Variants in CIZ1 observed in about 807,000 individuals in gnomAD.
CIZ1 encodes CDKN1A interacting zinc finger protein 1, also known as cip1-interacting zinc finger protein.
Under a neutral mutation model 118.6 loss-of-function variants are expected in CIZ1, and 58 were observed. That is an observed-to-expected ratio of 0.49 (90% CI 0.40 to 0.61). CIZ1 has a LOEUF of 0.61. Ranked by LOEUF, CIZ1 falls within the 20% of genes least tolerant of loss-of-function variation. The probability of loss-of-function intolerance (pLI) is 0.00; values close to 1 mark genes in which losing one functional copy is unlikely to be tolerated. For missense variants in CIZ1, 921 were observed against 1,115.9 expected, an observed-to-expected ratio of 0.83 and a Z score of 2.49; for synonymous variants, 448 against 443.4, an observed-to-expected ratio of 1.01 and a Z score of -0.13.
chr9:128,176,742 C>A (rs113774358), intron 10 of CIZ1, among the ~76,000 whole-genome samples: 88 of 152,274 alleles, frequency 5.8e-4, no homozygotes, highest in African/African-American at 2.1e-3. Context: ...AAGGCTGTGC[C>A]AGGTGAGGCA....
In CIZ1 at chr9:128,191,440, C is replaced by T; in HGVS notation, c.-14G>A. On this transcript the variant is annotated 5_prime_UTR_variant, in exon 1 of 17. Transcript: ENST00000372938. This position sits in a 1 kb window ranked among gnomAD's most constrained non-coding sequence, Gnocchi z 5.5. ...CGCCCCCGGCCCCGCACCTCGCCTC[C>T]CCGCGCGCCCTCAACGCTCAAGTCG... is the stretch of plus-strand genomic sequence containing the variant. The T allele has an allele frequency of 3.1e-6, 3 of 970,892 alleles. No individual in the cohort carries two copies. Among genetic ancestry groups the T allele is most frequent in the Non-Finnish European group, 3.7e-6 (3 of 814,568 alleles). The allele number at this position is 970,892 out of a possible 1,614,324, so 60.1% of individuals were successfully genotyped here.
rs562622143 is a variant in CIZ1, at chr9:128,179,387, G to A, written c.820C>T (p.Pro274Ser). Residue 274 changes from proline (P) to serine (S), a missense_variant, in exon 8 of 17, where the codon CCA (proline) becomes TCA (serine). Coordinates refer to ENST00000372938, the MANE Select transcript of CIZ1 (RefSeq NM_001131016.2). ...TGGGCCTTCACCTGTAACTGCCCTGGAGGTTCCTTCTCTGTGGGCTCTTCT... is the reference window on the plus strand; with the variant it reads ...TGGGCCTTCACCTGTAACTGCCCTGAAGGTTCCTTCTCTGTGGGCTCTTCT... ...SSEEPTEKEP[P>S]GQLQVKAQPQ... The A allele has an allele frequency of 4.4e-6, 7 of 1,607,910 alleles. No individual in the cohort carries two copies. The East Asian group carries it at 1.6e-4, about 36-fold the overall frequency.
Position 128,176,468 on chromosome 9 carries a change from T to C in CIZ1, c.1826A>G (p.Gln609Arg), listed in dbSNP as rs1388601317. The C allele has an allele frequency of 6.2e-7, 1 of 1,612,886 alleles. No individual in the cohort carries two copies. The highest frequency in any genetic ancestry group is 8.5e-7 in the Non-Finnish European group (1 of 1,179,804). Residue 609 changes from glutamine (Q) to arginine (R), a missense_variant, in exon 11 of 17, where the codon CAG becomes CGG. Gln to Arg is a conservative substitution (Grantham distance 43). Coordinates refer to ENST00000372938, the MANE Select transcript of CIZ1 (RefSeq NM_001131016.2). ...KASCSSQQEF[Q>R]DHMSEPQHQQ... ...GTGCTGAGGCTCCGACATGTGGTCC[T>C]GGAACTCCTGCAGCAGGAGGGAAAG... is the stretch of plus-strand genomic sequence containing the variant.
At chr9:128,201,677 T>C (rs948397727) in intron 1 of CIZ1, among the ~76,000 whole-genome samples, 9 of 152,220 alleles carry the variant, frequency 5.9e-5, no homozygotes, top group Non-Finnish European at 1.0e-4. Context: ...GCTGTTATCA[T>C]TGGCATCCTC....
chr9:128,188,985 GACGGGGTTTCACC>G (rs1371852728), intron 3 of CIZ1, among the ~76,000 whole-genome samples: 1 of 152,160 alleles, frequency 6.6e-6, no homozygotes, highest in Non-Finnish European at 1.5e-5. Context: ...TTTTAGTAGA[GACGGGGTTTCACC>G]ATGTTGGCCA....
chr9:128,188,077 ACAAAAC>A (rs1832647587), intron 3 of CIZ1, 143 bp from the exon 4 acceptor site: 2 of 270,074 alleles, frequency 7.4e-6, no homozygotes, highest in Non-Finnish European at 1.4e-5. Flanking sequence ...CCAAAACAAA[ACAAAAC>A]AAAAAATTAA....
In CIZ1 at chr9:128,190,834, C is replaced by CTGT. The variant is rs754678701; in HGVS notation, c.23_24insACA (p.Gln9dup). 6.5e-7 allele frequency: 1 copy of CTGT among 1,539,392 alleles called. No individual in the cohort carries two copies. The highest frequency in any genetic ancestry group is 8.7e-7 in the Non-Finnish European group (1 of 1,144,826). ...GCTGCTGCTGCTGTTGCTGGAGCTG[C>CTGT]TGCTGCTGCTGCTGGCTGAACATGG... On this transcript the variant is annotated inframe_insertion, in exon 2 of 17. Coordinates refer to ENST00000372938, the MANE Select transcript of CIZ1 (RefSeq NM_001131016.2).
chr9:128,177,539 C>T lies in CIZ1; in HGVS notation c.1818+27G>A, dbSNP rs373333901. ...GGCATTCCACGCAGGCCCCACCCCTCCCCACCCTTATCTCCTGTATCAGTA... is the reference window on the plus strand; with the variant it reads ...GGCATTCCACGCAGGCCCCACCCCTTCCCACCCTTATCTCCTGTATCAGTA... On this transcript the variant is annotated intron_variant, in intron 10 of 16. Coordinates refer to ENST00000372938, the MANE Select transcript of CIZ1 (RefSeq NM_001131016.2). The T allele has an allele frequency of 2.2e-5, 21 of 970,972 alleles. No homozygotes were observed. In the African/African-American group the frequency reaches 2.2e-4, roughly 10 times the overall value. The allele number at this position is 970,972 out of a possible 1,614,324, so 60.1% of individuals were successfully genotyped here.
upstream of CIZ1, among the ~76,000 whole-genome samples, chr9:128,195,673 A>G (rs1357890657): frequency 1.3e-5 from 2 of 152,020 alleles, no homozygotes; most frequent in African/African-American, 2.4e-5. Context: ...CATGGACTCT[A>G]TCTATCCCTT....
Position 128,179,414 on chromosome 9 carries a change from A to G in CIZ1, c.793T>C (p.Ser265Pro), listed in dbSNP as rs151058866. The change falls in exon 8 of 17, where the codon TCA becomes CCA. Residue 265 changes from serine to proline, a missense_variant and splice_region_variant. By Grantham distance (74) the Ser-to-Pro change is moderately conservative (BLOSUM62 -1). Transcript: ENST00000372938. ...GGTTCCTTCTCTGTGGGCTCTTCTGAGCTAGGAAGGATCAAAAAAAAATCC... is the reference window on the plus strand; with the variant it reads ...GGTTCCTTCTCTGTGGGCTCTTCTGGGCTAGGAAGGATCAAAAAAAAATCC... Reference protein sequence around the residue: ...SELPAKRLRSSEEPTEKEPPG... With the variant: ...SELPAKRLRSPEEPTEKEPPG... 1 of 1,567,322 alleles carries G rather than the reference A, an allele frequency of 6.4e-7. No individual in the cohort carries two copies. Among genetic ancestry groups the G allele is most frequent in the Non-Finnish European group, 8.6e-7 (1 of 1,161,020 alleles).
chr9:128,166,122 A>G lies in CIZ1; in HGVS notation c.*75T>C. ...TTGAGTAAAAACATGAACCATGTCA[A>G]AGTTTCCAGGCAGACTCCTAAAAAG... On this transcript the variant is annotated 3_prime_UTR_variant, in exon 17 of 17. Coordinates refer to ENST00000372938, the MANE Select transcript of CIZ1 (RefSeq NM_001131016.2). This position sits in a 1 kb window ranked among gnomAD's most constrained non-coding sequence, Gnocchi z 4.4. 9.3e-7 allele frequency: 1 copy of G among 1,076,216 alleles called. No homozygotes were observed. Among genetic ancestry groups the G allele is most frequent in the Non-Finnish European group, 1.3e-6 (1 of 782,926 alleles). 66.7% of individuals were successfully genotyped at this position (1,076,216 alleles called of 1,614,324 possible).
intron 5 of CIZ1, among the ~76,000 whole-genome samples, chr9:128,181,764 C>T (rs1218734366): frequency 1.7e-5 from 2 of 116,486 alleles, no homozygotes; most frequent in Non-Finnish European, 3.6e-5. Context: ...CCAGGAAAGG[C>T]GGGGGGGGGG....
Position 128,185,768 on chromosome 9 carries a change from G to A in CIZ1, c.367C>T (p.Arg123Ter), listed in dbSNP as rs1355811714. The A allele has an allele frequency of 6.2e-7, 1 of 1,612,726 alleles. No individual in the cohort carries two copies. Among genetic ancestry groups the A allele is most frequent in the Non-Finnish European group, 8.5e-7 (1 of 1,179,168 alleles). Reference sequence around the variant, plus strand: ...CCTGGGGATGCCATGCCATAGCCTCGGAGGTTACCTGCAGGCAAGAAGACA... The same window carrying A: ...CCTGGGGATGCCATGCCATAGCCTCAGAGGTTACCTGCAGGCAAGAAGACA... The part of the protein sequence containing the change: ...TMPTATLGNL[R>*]GYGMASPGLA... Residue 123 changes from arginine to a stop codon, truncating the protein, a stop_gained, in exon 5 of 17, where the codon CGA becomes TGA. Transcript: ENST00000372938. LOFTEE classifies it high-confidence loss of function.
Position 128,166,836 on chromosome 9 carries a change from A to C in CIZ1, c.2410T>G (p.Cys804Gly), listed in dbSNP as rs1356104902. Residue 804 changes from cysteine to glycine, a missense_variant, in exon 16 of 17, where the codon TGC becomes GGC. Coordinates refer to ENST00000372938, the MANE Select transcript of CIZ1 (RefSeq NM_001131016.2). This position sits in a 1 kb window ranked among gnomAD's most constrained non-coding sequence, Gnocchi z 4.4. ...VPVMGYICRICHKFYHSNSGA... is the reference protein window; with the variant it reads ...VPVMGYICRIGHKFYHSNSGA... Reference sequence around the variant, plus strand: ...GAGTTGCTGTGATAGAACTTGTGGCAGATGCGGCAGATATAGCCCATCACG... The same window carrying C: ...GAGTTGCTGTGATAGAACTTGTGGCCGATGCGGCAGATATAGCCCATCACG... 3 of 1,614,230 alleles carry C rather than the reference A, an allele frequency of 1.9e-6. No individual in the cohort carries two copies. Among genetic ancestry groups the C allele is most frequent in the Non-Finnish European group, 2.5e-6 (3 of 1,180,034 alleles).
chr9:128,180,895 T>G, intron 5 of CIZ1, 81 bp from the exon 6 acceptor site: 1 of 999,564 alleles, frequency 1.0e-6, no homozygotes, highest in Non-Finnish European at 1.5e-6. Flanking sequence ...CTGCCCCCCA[T>G]CCTCCAGGGG....
rs573892129 is a variant in CIZ1 at position 128,166,497 on chromosome 9, A to C, written c.2488-91T>G. On this transcript the variant is annotated intron_variant, in intron 16 of 16. Coordinates refer to ENST00000372938, the MANE Select transcript of CIZ1 (RefSeq NM_001131016.2). This position sits in a 1 kb window ranked among gnomAD's most constrained non-coding sequence, Gnocchi z 4.4. ...CTACTTCCCCAGCTCTGGCTGAGAC[A>C]GTATTAGTGTGCTCTGTGACCCTGC... 5.5e-5 allele frequency: 63 copies of C among 1,141,550 alleles called. 1 individual carries two copies. The African/African-American group carries it at 9.1e-4, about 16-fold the overall frequency. The allele number at this position is 1,141,550 out of a possible 1,614,324, so 70.7% of individuals were successfully genotyped here. A position where few individuals can be genotyped will look rare whatever the true frequency, so the allele number is the denominator to read the frequency against.
chr9:128,166,877 A>G lies in CIZ1; in HGVS notation c.2369T>C (p.Val790Ala). Residue 790 changes from valine to alanine, a missense_variant, in exon 16 of 17, where the codon GTG becomes GCG. Physicochemically the swap from Val to Ala is moderately conservative, Grantham distance 64. Coordinates refer to ENST00000372938, the MANE Select transcript of CIZ1 (RefSeq NM_001131016.2). This position sits in a 1 kb window ranked among gnomAD's most constrained non-coding sequence, Gnocchi z 4.4. ...GCCCATCACGGGCACCAGGAAGTCC[A>G]CACCTGTAGGATGGGATGGCAGGGT... Reference protein sequence around the residue: ...ETYSPNTAYGVDFLVPVMGYI... With the variant: ...ETYSPNTAYGADFLVPVMGYI... 1 of 1,614,222 alleles carries G rather than the reference A, an allele frequency of 6.2e-7. No individual in the cohort carries two copies. Among genetic ancestry groups the G allele is most frequent in the African/African-American group, 1.3e-5 (1 of 75,066 alleles).
intron 1 of CIZ1, among the ~76,000 whole-genome samples, chr9:128,200,920 G>T (rs1833497252): frequency 6.6e-6 from 1 of 152,024 alleles, no homozygotes; most frequent in Admixed American, 6.6e-5. Flanking sequence ...AGGATCACAA[G>T]GTCAAGAGAT....
chr9:128,169,230 G>A (rs1463213952), intron 13 of CIZ1, 29 bp from the exon 14 acceptor site: 2 of 1,612,332 alleles, frequency 1.2e-6, no homozygotes, highest in East Asian at 2.2e-5. Context: ...AGGAGCTCAG[G>A]TCAGCTCTGA....
Sources: allele counts gnomAD v4.1 joint callset (sites outside exome capture counted in the v4.1 genomes callset), GRCh38; gene constraint gnomAD v4.1.1; non-coding constraint Gnocchi (gnomAD v3.1); transcripts MANE v1.5; gene names NCBI Gene and HGNC (gene_info 2026-07-23, HGNC 2026-07-21).